Variants in TBCB observed in about 807,000 individuals in gnomAD.
TBCB encodes tubulin-folding cofactor B.
TBCB carries 18 observed loss-of-function variants against 29.2 expected under a neutral mutation model. That is an observed-to-expected ratio of 0.62 (90% CI 0.43 to 0.91). The LOEUF (loss-of-function observed/expected upper bound fraction) is 0.91. Among genes scored for constraint, TBCB ranks in the 40% least tolerant of loss-of-function variants. The pLI is 0.00. For synonymous variants in TBCB, 172 were observed against 137.8 expected, an observed-to-expected ratio of 1.25 and a Z score of -1.74; for missense variants, 336 against 337.6, an observed-to-expected ratio of 1.00 and a Z score of 0.04.
rs371957619 is a variant in TBCB at position 36,116,192 on chromosome 19, C to T, written c.258+8C>T. 16 of 1,613,438 alleles carry T rather than the reference C, an allele frequency of 9.9e-6. No individual in the cohort carries two copies. Among genetic ancestry groups the T allele is most frequent in the Non-Finnish European group, 1.4e-5 (16 of 1,179,634 alleles). ...GACGGCTGCCGCATCCACGTGAGGA[C>T]TCTCTATCTGGGACACTCCCCCACC... On this transcript the variant is annotated splice_region_variant and intron_variant, in intron 2 of 5. Coordinates refer to ENST00000221855, the MANE Select transcript of TBCB (RefSeq NM_001281.3).
chr19:36,114,985 C>A (rs1973918355), upstream of TBCB: 4 of 924,356 alleles, frequency 4.3e-6, no homozygotes, highest in African/African-American at 3.3e-5. The surrounding 1 kb of genome is among the most constrained non-coding windows in gnomAD (Gnocchi z 4.5). Context: ...GCTGGCTCCC[C>A]GCCGCCTCGG....
intron 2 of TBCB, 45 bp downstream of exon 2, chr19:36,116,229 T>C (rs767305846): frequency 6.2e-7 from 1 of 1,603,030 alleles, no homozygotes; most frequent in African/African-American, 1.3e-5. Flanking sequence ...CACCTTTCAT[T>C]TGGTTATTCA....
intron 4 of TBCB, 156 bp downstream of exon 4, chr19:36,121,874 T>C (rs1974060281): frequency 1.0e-6 from 1 of 966,992 alleles, no homozygotes; most frequent in Non-Finnish European, 1.5e-6. Context: ...GACGGAACCA[T>C]CTGCCGACAC....
intron 3 of TBCB, among the ~76,000 whole-genome samples, chr19:36,121,032 G>A (rs574223732): frequency 1.3e-5 from 2 of 151,084 alleles, no homozygotes; most frequent in East Asian, 2.0e-4. Flanking sequence ...AGACGTGGTC[G>A]GGGGAGGGCT....
intron 4 of TBCB, chr19:36,122,205 A>G: frequency 4.7e-6 from 1 of 211,988 alleles, no homozygotes; most frequent in Non-Finnish European, 9.8e-6. Context: ...CACCTGGGGA[A>G]GGGGAGCGGG....
chr19:36,125,613 G>C, intron 5 of TBCB, 55 bp from the exon 6 acceptor site: 2 of 1,608,768 alleles, frequency 1.2e-6, no homozygotes, highest in Non-Finnish European at 1.7e-6. Flanking sequence ...CCAGCTTCTA[G>C]AGTGGAGCCA....
rs1158361462 is a variant in TBCB at position 36,121,458 on chromosome 19, C to A, written c.356-69C>A. ...AGTTCCTCCGTGAACGTGGGCCCCT[C>A]GTGGGTGGAGCGTCATCCTGTTAGG... On this transcript the variant is annotated intron_variant, in intron 3 of 5. Transcript: ENST00000221855. 2.7e-6 allele frequency: 4 copies of A among 1,485,328 alleles called. No homozygotes were observed. The Admixed American group carries it at 9.0e-5, about 33-fold the overall frequency. The allele number at this position is 1,485,328 out of a possible 1,614,324, so 92.0% of individuals were successfully genotyped here. A position where few individuals can be genotyped will look rare whatever the true frequency, so the allele number is the denominator to read the frequency against.
At chr19:36,124,658 C>T (rs1413311539) in intron 4 of TBCB, among the ~76,000 whole-genome samples, 2 of 152,212 alleles carry the variant, frequency 1.3e-5, no homozygotes, top group Non-Finnish European at 2.9e-5. Flanking sequence ...GTTCTCCTGC[C>T]TCAGCCTCCC....
At chr19:36,122,173 G>T (rs73601689) in intron 4 of TBCB, 1 of 260,232 alleles carries the variant, frequency 3.8e-6, no homozygotes, top group Non-Finnish European at 7.6e-6. Flanking sequence ...AGCGGGTGCA[G>T]GTGAGCAGAG....
rs767284541 is a variant in TBCB, at chr19:36,121,661, C to T, written c.490C>T (p.Arg164Cys). 2 of 1,563,152 alleles carry T rather than the reference C, an allele frequency of 1.3e-6. No individual in the cohort carries two copies. The highest frequency in any genetic ancestry group is 1.9e-5 in the Admixed American group (1 of 52,906). ...GGCCAGCTCCATCCCCGTGGGCAGC[C>T]GCTGTGAGGTGCGGGCGGCGGGACA... ...AQASSIPVGS[R>C]CEVRAAGQSP... Residue 164 changes from arginine (R) to cysteine (C), a missense_variant, in exon 4 of 6, where the codon CGC (arginine) becomes TGC (cysteine). Physicochemically the swap from Arg to Cys is radical, Grantham distance 180. Coordinates refer to ENST00000221855, the MANE Select transcript of TBCB (RefSeq NM_001281.3).
At chr19:36,117,268 G>A (rs193248118) in intron 2 of TBCB, among the ~76,000 whole-genome samples, 1 of 152,290 alleles carries the variant, frequency 6.6e-6, no homozygotes, top group East Asian at 1.9e-4. Context: ...TGGAAATTTT[G>A]ATCACTATAA....
intron 4 of TBCB, 34 bp from the exon 5 acceptor site, chr19:36,125,417 A>G (rs367634558): frequency 2.6e-4 from 426 of 1,611,606 alleles, no homozygotes; most frequent in Non-Finnish European, 3.4e-4. Flanking sequence ...TTCTATGTCC[A>G]GAAGCTTCAC....
Position 36,122,571 on chromosome 19 carries a change from C to CA in TBCB, c.547+872dup, listed in dbSNP as rs759711385. Among the ~76,000 whole-genome samples, 682 of 91,550 alleles carry CA rather than the reference C, an allele frequency of 7.4e-3. 14 individuals are homozygous for CA. The highest frequency in any genetic ancestry group is 0.022 in the South Asian group (56 of 2,526). The allele number at this position is 91,550 out of a possible 152,430, so 60.1% of individuals were successfully genotyped here. A position where few individuals can be genotyped will look rare whatever the true frequency, so the allele number is the denominator to read the frequency against. ...GCAACATAATGAGACCCTGTCTCTA[C>CA]AAAAAAAAAAAAAAAAAAATCCCAC... On this transcript the variant is annotated intron_variant, in intron 4 of 5. Coordinates refer to ENST00000221855, the MANE Select transcript of TBCB (RefSeq NM_001281.3).
intron 2 of TBCB, chr19:36,120,370 T>C (rs1412794573): frequency 1.9e-5 from 5 of 258,138 alleles, no homozygotes; most frequent in Non-Finnish European, 3.8e-5. Context: ...CAGAGGCCCA[T>C]CGAGGAGATG....
intron 4 of TBCB, among the ~76,000 whole-genome samples, chr19:36,122,367 C>A (rs951320461): frequency 6.6e-6 from 1 of 151,848 alleles, no homozygotes; most frequent in Non-Finnish European, 1.5e-5. Context: ...CTTGCTTGAG[C>A]CCCGGAGTTG....
At chr19:36,121,461 G>T in intron 3 of TBCB, 66 bp from the exon 4 acceptor site, 1 of 1,491,252 alleles carries the variant, frequency 6.7e-7, no homozygotes, top group South Asian at 1.3e-5. Context: ...GGCCCCTCGT[G>T]GGTGGAGCGT....
chr19:36,120,215 A>C (rs896211377), intron 2 of TBCB, among the ~76,000 whole-genome samples: 2 of 152,126 alleles, frequency 1.3e-5, no homozygotes, highest in African/African-American at 2.4e-5. Flanking sequence ...CTGAGGGCAG[A>C]GTGCGTCTGT....
At chr19:36,118,277 AG>A (rs1599863212) in intron 2 of TBCB, among the ~76,000 whole-genome samples, 2 of 152,192 alleles carry the variant, frequency 1.3e-5, no homozygotes, top group African/African-American at 4.8e-5. Flanking sequence ...GTGAAGGGTC[AG>A]GGGAGACAAG....
At chr19:36,120,861 G>T in intron 3 of TBCB, 55 bp downstream of exon 3, 1 of 1,568,602 alleles carries the variant, frequency 6.4e-7, no homozygotes, top group Non-Finnish European at 8.8e-7. Context: ...GTATGTGCAG[G>T]TATGAGGGCG....
Sources: gnomAD v4.1 joint callset for allele counts (sites outside exome capture counted in the v4.1 genomes callset) on GRCh38, gnomAD v4.1.1 for gene constraint, Gnocchi (gnomAD v3.1) non-coding constraint, MANE v1.5 for transcripts, NCBI Gene and HGNC (gene_info 2026-07-23, HGNC 2026-07-21) for gene names.